The following KANK2 variants were observed in gnomAD, a reference collection of about 807,000 sequenced individuals.
KANK2 encodes the protein KN motif and ankyrin repeat domain-containing protein 2.
KANK2 carries 41 observed loss-of-function variants against 74.6 expected under a neutral mutation model. The observed-to-expected ratio is 0.55, with a 90% CI of 0.43 to 0.71. The LOEUF (loss-of-function observed/expected upper bound fraction) is 0.71, where lower values mean the gene tolerates loss of function less well. Ranked by LOEUF, KANK2 falls within the 30% of genes least tolerant of loss-of-function variation. KANK2 has a pLI of 0.00. For missense variants in KANK2, 1,148 were observed against 1,196.4 expected (o/e 0.96, Z 0.60); for synonymous variants, 537 against 519.0 (o/e 1.03, Z -0.47).
rs749251315 is a variant in KANK2, at chr19:11,193,685, C to T, written c.395G>A (p.Arg132His). ...PRVERTLLDA[R>H]RRLEDQAATP... is the part of the protein sequence containing the mutation. ...GGCCGCCTGGTCCTCGAGACGGCGA[C>T]GGGCATCCAGCAGCGTGCGCTCCAC... Residue 132 changes from arginine to histidine, a missense_variant, in exon 4 of 13, where the codon CGT becomes CAT. By Grantham distance (29) the Arg-to-His change is conservative. Transcript: ENST00000586659. This position sits in a 1 kb window ranked among gnomAD's most constrained non-coding sequence, Gnocchi z 9.6. 22 of 1,608,796 alleles carry T rather than the reference C, an allele frequency of 1.4e-5. 1 individual carries two copies. The highest frequency in any genetic ancestry group is 4.4e-5 in the South Asian group (4 of 90,896).
chr19:11,168,455 T>C (rs1406266497), intron 12 of KANK2, among the ~76,000 whole-genome samples: 3 of 151,884 alleles, frequency 2.0e-5, no homozygotes, highest in Non-Finnish European at 4.4e-5. Flanking sequence ...ACCTGTATTT[T>C]TGGGGGAGAC....
chr19:11,193,449 C>A lies in KANK2; in HGVS notation c.631G>T (p.Val211Leu), dbSNP rs753335786. 1 of 1,612,296 alleles carries A rather than the reference C, an allele frequency of 6.2e-7. No individual in the cohort carries two copies. The highest frequency in any genetic ancestry group is 1.1e-5 in the South Asian group (1 of 91,086). ...AGCACCGAGAGCTTCACCTGGAGCA[C>A]AGGGATCAGCTTCACCTGCTCCTCC... Reference protein sequence around the residue: ...QLEEQVKLIPVLQVKLSVLQE... With the variant: ...QLEEQVKLIPLLQVKLSVLQE... The change falls in exon 4 of 13, where the codon GTG (valine) becomes TTG (leucine). Residue 211 changes from valine (V) to leucine (L), a missense_variant. Coordinates refer to ENST00000586659, the MANE Select transcript of KANK2 (RefSeq NM_001136191.3). The surrounding 1 kb of genome is among the most constrained non-coding windows in gnomAD (Gnocchi z 9.6).
At chr19:11,169,637 C>T (rs1163393421) in intron 12 of KANK2, 4 of 585,400 alleles carry the variant, frequency 6.8e-6, no homozygotes, top group Middle Eastern at 4.4e-4. Context: ...CCCGTCTCTA[C>T]TAAAAATACA....
At chr19:11,176,010 G>C in intron 7 of KANK2, 21 bp from the exon 8 acceptor site, 1 of 1,601,442 alleles carries the variant, frequency 6.2e-7, no homozygotes. Context: ...CAGACAAAGC[G>C]GGGAACTAAG....
In KANK2 at chr19:11,193,651, G is replaced by A. The variant is rs377448236; in HGVS notation, c.429C>T (p.Thr143=). 34 of 1,599,672 alleles carry A rather than the reference G, an allele frequency of 2.1e-5. No individual in the cohort carries two copies. The highest frequency in any genetic ancestry group is 1.7e-4 in the Middle Eastern group (1 of 6,032). Residue 143 remains threonine, a synonymous_variant, in exon 4 of 13, where the codon ACC becomes ACT. Coordinates refer to ENST00000586659, the MANE Select transcript of KANK2 (RefSeq NM_001136191.3). This position sits in a 1 kb window ranked among gnomAD's most constrained non-coding sequence, Gnocchi z 9.6. ...CACTGGGGGTCAGGGAGCCCAGGCC[G>A]GTGGGTGTGGCCGCCTGGTCCTCGA... is the stretch of plus-strand genomic sequence containing the variant. ...RRLEDQAATP[T]GLGSLTPSAA...
chr19:11,178,940 T>C (rs1377794737), intron 4 of KANK2, among the ~76,000 whole-genome samples: 1 of 152,150 alleles, frequency 6.6e-6, no homozygotes, highest in African/African-American at 2.4e-5. Context: ...CAGAATCCAG[T>C]TTGGTGCCTG....
At chr19:11,192,010 G>T (rs1371584383) in intron 4 of KANK2, among the ~76,000 whole-genome samples, 1 of 152,190 alleles carries the variant, frequency 6.6e-6, no homozygotes, top group Admixed American at 6.5e-5. Flanking sequence ...AGTGAGCCAT[G>T]ATTACACCAA....
At chr19:11,192,675 T>C in intron 4 of KANK2, 156 bp downstream of exon 4, 1 of 831,002 alleles carries the variant, frequency 1.2e-6, no homozygotes, top group Non-Finnish European at 2.0e-6. Context: ...CCTCAAGTGA[T>C]CTGCCCGCCT....
rs1255798138 is a variant in KANK2, at chr19:11,194,486, G to A, written c.26C>T (p.Ala9Val). The part of the protein sequence containing the change: MAQVLHVP[A>V]PFPGTPGPAS... ...CTGAGTCCCCTGACCTGGGAAGGGA[G>A]CAGGCACGTGCAGGACCTGGGCCAT... Residue 9 changes from alanine to valine, a missense_variant, in exon 3 of 13, where the codon GCT becomes GTT. Transcript: ENST00000586659. 5 of 1,612,362 alleles carry A rather than the reference G, an allele frequency of 3.1e-6. No homozygotes were observed. Among genetic ancestry groups the A allele is most frequent in the South Asian group, 1.1e-5 (1 of 91,072 alleles).
chr19:11,182,571 C>T (rs996590542), intron 4 of KANK2, among the ~76,000 whole-genome samples: 13 of 148,778 alleles, frequency 8.7e-5, no homozygotes, highest in Admixed American at 6.8e-5. Flanking sequence ...AAGCCAGGCG[C>T]GGTGGCTCAC....
intron 4 of KANK2, among the ~76,000 whole-genome samples, chr19:11,187,605 T>G (rs536520372): frequency 6.6e-6 from 1 of 152,134 alleles, no homozygotes; most frequent in East Asian, 1.9e-4. Flanking sequence ...TTGGGACTCA[T>G]GAAAAGTATG....
chr19:11,179,658 A>G (rs985437088), intron 4 of KANK2, among the ~76,000 whole-genome samples: 1 of 152,036 alleles, frequency 6.6e-6, no homozygotes. Flanking sequence ...TAAAAAAAAA[A>G]AACACATCCT....
intron 4 of KANK2, among the ~76,000 whole-genome samples, chr19:11,185,158 G>A (rs1007172702): frequency 1.4e-5 from 2 of 148,142 alleles, no homozygotes; most frequent in Admixed American, 6.8e-5. Context: ...GGTGGCTCAC[G>A]CCTGTAATCC....
rs895203562 is a variant in KANK2, at chr19:11,190,324, C to T, written c.1249+2507G>A. 4.6e-5 allele frequency among the ~76,000 whole-genome samples: 7 copies of T among 152,082 alleles called. No homozygotes were observed. The South Asian group carries it at 6.2e-4, about 14-fold the overall frequency. ...TGTATTTTTAGTAGTGACAGGGTTT[C>T]GCCATATTGGCCAGGCTGGTCTTGA... On this transcript the variant is annotated intron_variant, in intron 4 of 12. Transcript: ENST00000586659.
intron 4 of KANK2, among the ~76,000 whole-genome samples, chr19:11,186,186 G>A (rs1390930600): frequency 6.6e-6 from 1 of 152,112 alleles, no homozygotes; most frequent in African/African-American, 2.4e-5. Flanking sequence ...ATGAGAGTTT[G>A]AGACCAGCCT....
Position 11,164,734 on chromosome 19 carries a change from CCATCCATCCATCCATCCATCCATCCTG to C in KANK2, c.*1797_*1823del. The C allele has an allele frequency of 1.2e-5, 1 of 82,470 alleles. No individual in the cohort carries two copies. The highest frequency in any genetic ancestry group is 3.3e-5 in the Non-Finnish European group (1 of 30,398). 5.1% of individuals were successfully genotyped at this position (82,470 alleles called of 1,614,324 possible). A position where few individuals can be genotyped will look rare whatever the true frequency, so the allele number is the denominator to read the frequency against. On this transcript the variant is annotated 3_prime_UTR_variant, in exon 13 of 13. Transcript: ENST00000586659. ...TTCATCCATCCATCCATCCATCCAT[CCATCCATCCATCCATCCATCCATCCTG>C]CTTGTCTCCTTTGACCAGCCAAGCC...
rs148700050 is a variant in KANK2, at chr19:11,195,343, G to A, written c.-80+279C>T. Reference sequence around the variant, plus strand: ...GAGGAAGTAAGAGGGGGCGCCTGGAGGCTGCAAAAGGGAGGGACAGTCAGA... The same window carrying A: ...GAGGAAGTAAGAGGGGGCGCCTGGAAGCTGCAAAAGGGAGGGACAGTCAGA... On this transcript the variant is annotated intron_variant, in intron 2 of 12. Transcript: ENST00000586659. 8.5e-5 allele frequency among the ~76,000 whole-genome samples: 13 copies of A among 152,196 alleles called. 2 individuals are homozygous for A. In the East Asian group the frequency reaches 2.5e-3, roughly 29 times the overall value.
intron 4 of KANK2, among the ~76,000 whole-genome samples, chr19:11,187,907 G>A (rs778633928): frequency 6.6e-6 from 1 of 152,056 alleles, no homozygotes; most frequent in Non-Finnish European, 1.5e-5. Flanking sequence ...GGGCAACATA[G>A]TGAGACCTCA....
chr19:11,196,876 G>A (rs531553562), intron 1 of KANK2: 1 of 147,890 alleles, frequency 6.8e-6, no homozygotes, highest in African/African-American at 2.5e-5. Context: ...CCTGCACATC[G>A]CGGAGGTCGG....
Sources: allele counts gnomAD v4.1 joint callset (sites outside exome capture counted in the v4.1 genomes callset), GRCh38; gene constraint gnomAD v4.1.1; non-coding constraint Gnocchi (gnomAD v3.1); transcripts MANE v1.5; gene names NCBI Gene and HGNC (gene_info 2026-07-23, HGNC 2026-07-21).